CNTN3: variants seen among roughly 807,000 people sequenced by gnomAD.
The protein encoded by CNTN3 is contactin 3, also known as contactin-3.
In CNTN3, 60 loss-of-function variants were observed where a neutral mutation model predicts 119.1. That is an observed-to-expected ratio of 0.50 (90% CI 0.41 to 0.62). CNTN3 has a LOEUF of 0.62. Ranked by LOEUF, CNTN3 falls within the 20% of genes least tolerant of loss-of-function variation. The probability of loss-of-function intolerance (pLI) is 0.00; values close to 1 mark genes in which losing one functional copy is unlikely to be tolerated. For synonymous variants in CNTN3, 450 were observed against 438.7 expected (o/e 1.03, Z -0.32); for missense variants, 1,101 against 1,242.4 (o/e 0.89, Z 1.71).
chr3:74,512,695 A>AAAAAAAAAAAAAAAAAAAT, intron 2 of CNTN3, among the ~76,000 whole-genome samples: 1 of 66,336 alleles, frequency 1.5e-5, no homozygotes, highest in Admixed American at 1.4e-4. Flanking sequence ...AATCAAGCAA[A>AAAAAAAAAAAAAAAAAAAT]AAAAAAAAAA....
At chr3:74,406,814 T>C (rs1282343096) in intron 5 of CNTN3, among the ~76,000 whole-genome samples, 2 of 152,082 alleles carry the variant, frequency 1.3e-5, no homozygotes, top group Non-Finnish European at 2.9e-5. Flanking sequence ...TAACAGCACA[T>C]TACCTCTCAT....
intron 1 of CNTN3, among the ~76,000 whole-genome samples, chr3:74,568,868 G>T (rs1704267191): frequency 6.6e-6 from 1 of 152,204 alleles, no homozygotes; most frequent in East Asian, 1.9e-4. Flanking sequence ...TTGTCTTGGA[G>T]TACTATGAAA....
chr3:74,498,960 A>G (rs1178462146), intron 3 of CNTN3, among the ~76,000 whole-genome samples: 5 of 151,836 alleles, frequency 3.3e-5, no homozygotes, highest in Non-Finnish European at 7.4e-5. Flanking sequence ...AAAATGATTA[A>G]TCCTGGGTTA....
At chr3:74,404,636 G>A (rs2106856878) in intron 5 of CNTN3, among the ~76,000 whole-genome samples, 1 of 152,068 alleles carries the variant, frequency 6.6e-6, no homozygotes, top group Middle Eastern at 3.4e-3. Flanking sequence ...CTAAGTTTTA[G>A]TATGGGTCTG....
In CNTN3 at chr3:74,589,799, C is replaced by T. The variant is rs892396650; in HGVS notation, c.-81+24592G>A. On this transcript the variant is annotated intron_variant, in intron 1 of 22. Coordinates refer to ENST00000263665, the MANE Select transcript of CNTN3 (RefSeq NM_020872.3). ...GCCATAAAAAATGATGAGTTCATGTCCTTTGTAGGGACATGGATGAAATTG... is the reference window on the plus strand; with the variant it reads ...GCCATAAAAAATGATGAGTTCATGTTCTTTGTAGGGACATGGATGAAATTG... 2.0e-4 allele frequency among the ~76,000 whole-genome samples: 30 copies of T among 151,574 alleles called. 1 individual carries two copies. The highest frequency in any genetic ancestry group is 3.1e-4 in the Non-Finnish European group (21 of 67,948).
chr3:74,433,826 C>T (rs1701825689), intron 4 of CNTN3, among the ~76,000 whole-genome samples: 1 of 152,138 alleles, frequency 6.6e-6, no homozygotes, highest in South Asian at 2.1e-4. Flanking sequence ...TTTTTGAAAC[C>T]TTTGAAATTA....
chr3:74,395,452 T>C (rs1705023205), intron 5 of CNTN3, among the ~76,000 whole-genome samples: 1 of 152,144 alleles, frequency 6.6e-6, no homozygotes, highest in African/African-American at 2.4e-5. Flanking sequence ...GAGTCTGGCT[T>C]CCAATGGGTA....
intron 1 of CNTN3, among the ~76,000 whole-genome samples, chr3:74,560,669 A>C (rs1019694235): frequency 6.6e-5 from 10 of 152,110 alleles, no homozygotes; most frequent in African/African-American, 2.4e-4. Context: ...CCATCCCATT[A>C]CTGGGTATAT....
At chr3:74,317,519 T>G (rs1367547831) in intron 13 of CNTN3, among the ~76,000 whole-genome samples, 4 of 152,080 alleles carry the variant, frequency 2.6e-5, no homozygotes, top group Non-Finnish European at 5.9e-5. Flanking sequence ...AGGAGCTCTT[T>G]TAGGGCAGGC....
At chr3:74,473,451 A>G (rs1575761120) in intron 4 of CNTN3, among the ~76,000 whole-genome samples, 2 of 152,302 alleles carry the variant, frequency 1.3e-5, no homozygotes, top group East Asian at 3.9e-4. Context: ...TTAGTCCCCA[A>G]CATTTAAAAT....
In CNTN3 at chr3:74,600,566, G is replaced by A. The variant is rs190350775; in HGVS notation, c.-81+13825C>T. 2.0e-5 allele frequency among the ~76,000 whole-genome samples: 3 copies of A among 152,142 alleles called. No homozygotes were observed. In the East Asian group the frequency reaches 5.8e-4, roughly 29 times the overall value. On this transcript the variant is annotated intron_variant, in intron 1 of 22. Coordinates refer to ENST00000263665, the MANE Select transcript of CNTN3 (RefSeq NM_020872.3). ...ACTTGCTTTATAAGATTTTTTGAATGAAAGTTAAAAGCTATCTACAGAGAT... is the reference window on the plus strand; with the variant it reads ...ACTTGCTTTATAAGATTTTTTGAATAAAAGTTAAAAGCTATCTACAGAGAT...
At chr3:74,562,372 T>C (rs1462028976) in intron 1 of CNTN3, among the ~76,000 whole-genome samples, 1 of 152,312 alleles carries the variant, frequency 6.6e-6, no homozygotes, top group East Asian at 1.9e-4. Context: ...TCTTCCCTTT[T>C]TAAATATTTC....
chr3:74,543,247 T>C (rs1349507473), intron 1 of CNTN3, among the ~76,000 whole-genome samples: 2 of 152,132 alleles, frequency 1.3e-5, no homozygotes, highest in Non-Finnish European at 2.9e-5. Context: ...ATAGGAGTAT[T>C]TAAGAAGATG....
chr3:74,595,689 T>A (rs1704794904), intron 1 of CNTN3, among the ~76,000 whole-genome samples: 1 of 152,074 alleles, frequency 6.6e-6, no homozygotes. Flanking sequence ...GGGACATATC[T>A]CAAAATAATA....
intron 20 of CNTN3, among the ~76,000 whole-genome samples, chr3:74,277,103 C>A (rs188474214): frequency 2.0e-5 from 3 of 152,164 alleles, no homozygotes; most frequent in Admixed American, 1.3e-4. Flanking sequence ...ATACCCTGAA[C>A]AGACCAATAA....
chr3:74,425,437 A>C (rs1701680453), intron 4 of CNTN3, among the ~76,000 whole-genome samples: 1 of 152,162 alleles, frequency 6.6e-6, no homozygotes, highest in Admixed American at 6.6e-5. Flanking sequence ...CTGGATTCTG[A>C]TTTCTTTATT....
intron 1 of CNTN3, among the ~76,000 whole-genome samples, chr3:74,593,864 T>A (rs536287255): frequency 6.6e-6 from 1 of 151,952 alleles, no homozygotes; most frequent in Non-Finnish European, 1.5e-5. Context: ...ATTAAATATA[T>A]ATCTCTTCTC....
chr3:74,426,107 C>G (rs1701690793), intron 4 of CNTN3, among the ~76,000 whole-genome samples: 1 of 152,032 alleles, frequency 6.6e-6, no homozygotes, highest in African/African-American at 2.4e-5. Flanking sequence ...TCATTCTTTC[C>G]AAGTTAAATT....
rs1326277016 is a variant in CNTN3, at chr3:74,602,848, T to G, written c.-81+11543A>C. On this transcript the variant is annotated intron_variant, in intron 1 of 22. Coordinates refer to ENST00000263665, the MANE Select transcript of CNTN3 (RefSeq NM_020872.3). ...TACCAAAGTTTTGAATACAATTGCA[T>G]GGTCTAGCTAAGTCTCTTGTGTTTC... Among the ~76,000 whole-genome samples, 5 of 152,244 alleles carry G rather than the reference T, an allele frequency of 3.3e-5. No homozygotes were observed. The East Asian group carries it at 9.7e-4, about 30-fold the overall frequency.
Sources: gnomAD v4.1 joint callset for allele counts (sites outside exome capture counted in the v4.1 genomes callset) on GRCh38, gnomAD v4.1.1 for gene constraint, MANE v1.5 for transcripts, NCBI Gene and HGNC (gene_info 2026-07-23, HGNC 2026-07-21) for gene names.